Variants in TGFA observed in about 807,000 individuals in gnomAD.
TGFA encodes the protein transforming growth factor alpha.
Under a neutral mutation model 21.7 loss-of-function variants are expected in TGFA, and 12 were observed. The observed-to-expected ratio is 0.55, with a 90% CI of 0.35 to 0.90. TGFA has a LOEUF of 0.90. TGFA is among the 40% of genes least tolerant of loss of function. TGFA has a pLI of 0.01. For missense variants in TGFA, 178 were observed against 210.8 expected (o/e 0.84, Z 0.96); for synonymous variants, 79 against 88.1 (o/e 0.90, Z 0.58).
chr2:70,533,099 T>G (rs1195132750), intron 1 of TGFA, among the ~76,000 whole-genome samples: 1 of 152,072 alleles, frequency 6.6e-6, no homozygotes, highest in Non-Finnish European at 1.5e-5. Context: ...TGGGCTCAAG[T>G]GATCCGCCCA....
At chr2:70,472,126 A>T (rs1670770036) in intron 2 of TGFA, among the ~76,000 whole-genome samples, 1 of 152,152 alleles carries the variant, frequency 6.6e-6, no homozygotes, top group African/African-American at 2.4e-5. Flanking sequence ...AAATTTAAAA[A>T]AAGAATCACT....
At chr2:70,525,874 G>C (rs962897990) in intron 1 of TGFA, among the ~76,000 whole-genome samples, 26 of 152,272 alleles carry the variant, frequency 1.7e-4, no homozygotes, top group African/African-American at 6.0e-4. Context: ...GTACTTAATG[G>C]TGGGGCCGCG....
At chr2:70,453,435 TCCAAACC>T in intron 4 of TGFA, 108 bp from the exon 5 acceptor site, 1 of 746,892 alleles carries the variant, frequency 1.3e-6, no homozygotes, top group Non-Finnish European at 2.1e-6. Context: ...CTAAACCAGC[TCCAAACC>T]AGCTCCCCAT....
chr2:70,481,835 G>A (rs1671131379), intron 2 of TGFA, among the ~76,000 whole-genome samples: 1 of 152,224 alleles, frequency 6.6e-6, no homozygotes, highest in African/African-American at 2.4e-5. Context: ...TAGCTTGTAA[G>A]TGAGCCATTC....
intron 2 of TGFA, among the ~76,000 whole-genome samples, chr2:70,501,399 A>G (rs1574108088): frequency 6.6e-6 from 1 of 152,016 alleles, no homozygotes; most frequent in East Asian, 1.9e-4. Context: ...TCTATTTGTC[A>G]CCTTCACCAC....
At chr2:70,490,972 C>T (rs1240270085) in intron 2 of TGFA, among the ~76,000 whole-genome samples, 7 of 152,092 alleles carry the variant, frequency 4.6e-5, no homozygotes, top group African/African-American at 1.4e-4. Flanking sequence ...TCAGGTTTCC[C>T]CAAGCAGATC....
At chr2:70,455,224 GA>G (rs147385019) in intron 4 of TGFA, among the ~76,000 whole-genome samples, 8,920 of 152,314 alleles carry the variant, frequency 0.059, 328 homozygotes, top group South Asian at 0.12. Context: ...TGGTCCAGGA[GA>G]AGGATGTGAG....
intron 4 of TGFA, 127 bp downstream of exon 4, chr2:70,456,212 C>T: frequency 7.7e-7 from 1 of 1,293,584 alleles, no homozygotes; most frequent in East Asian, 2.6e-5. Flanking sequence ...ATTTAGCTTT[C>T]CTGACAGCAC....
chr2:70,542,248 T>G (rs1553505265), intron 1 of TGFA, among the ~76,000 whole-genome samples: 1 of 152,204 alleles, frequency 6.6e-6, no homozygotes, highest in Non-Finnish European at 1.5e-5. Flanking sequence ...GTTTATCAGC[T>G]TCAGCCACTT....
intron 2 of TGFA, among the ~76,000 whole-genome samples, chr2:70,478,578 C>A (rs542377694): frequency 6.6e-6 from 1 of 152,124 alleles, no homozygotes; most frequent in Non-Finnish European, 1.5e-5. Context: ...CTCATCCATC[C>A]ATTCTTTAGT....
intron 1 of TGFA, among the ~76,000 whole-genome samples, chr2:70,520,192 T>C (rs1553502076): frequency 6.6e-6 from 1 of 152,186 alleles, no homozygotes; most frequent in African/African-American, 2.4e-5. Context: ...CCCTCCTCCC[T>C]TTGGAAATCA....
intron 1 of TGFA, among the ~76,000 whole-genome samples, chr2:70,517,763 C>G (rs1257249681): frequency 6.6e-6 from 1 of 152,244 alleles, no homozygotes; most frequent in Non-Finnish European, 1.5e-5. Flanking sequence ...TCAGCAGTCA[C>G]AAACCCCAAG....
intron 1 of TGFA, among the ~76,000 whole-genome samples, chr2:70,544,637 G>A (rs1673236191): frequency 6.6e-6 from 1 of 152,170 alleles, no homozygotes. Flanking sequence ...CAGGTGCTTG[G>A]TAATTATTTG....
intron 2 of TGFA, among the ~76,000 whole-genome samples, chr2:70,507,368 AT>A (rs1434980459): frequency 6.6e-6 from 1 of 152,210 alleles, no homozygotes; most frequent in Non-Finnish European, 1.5e-5. Context: ...TATGCCCTGT[AT>A]TTTTGCATCT....
chr2:70,521,025 C>T (rs552327586), intron 1 of TGFA, among the ~76,000 whole-genome samples: 4 of 152,066 alleles, frequency 2.6e-5, no homozygotes, highest in Middle Eastern at 3.2e-3. Flanking sequence ...CTGTTACTGC[C>T]CCAATTCAGG....
chr2:70,472,902 C>A (rs1279956151), intron 2 of TGFA, among the ~76,000 whole-genome samples: 3 of 152,264 alleles, frequency 2.0e-5, no homozygotes, highest in Non-Finnish European at 2.9e-5. Context: ...TTAGTAGGAA[C>A]TTTCAGCCAA....
chr2:70,468,240 G>A (rs1296910738), intron 2 of TGFA: 2 of 152,232 alleles, frequency 1.3e-5, no homozygotes, highest in African/African-American at 4.8e-5. Flanking sequence ...GACAGTTACT[G>A]TCTTTCACAC....
chr2:70,504,469 C>CATATATATATATATATATATATAT lies in TGFA; in HGVS notation c.94+10389_94+10390insATATATATATATATATATATATAT, dbSNP rs1230209696. ...ATATATATATATATATATATACACACATACATACATACATACACACACACA... is the reference window on the plus strand; with the variant it reads ...ATATATATATATATATATATACACACATATATATATATATATATATATATATACATACATACATACACACACACA... On this transcript the variant is annotated intron_variant, in intron 2 of 5. Transcript: ENST00000295400. Among the ~76,000 whole-genome samples, 339 of 80,572 alleles carry CATATATATATATATATATATATAT rather than the reference C, an allele frequency of 4.2e-3. 7 individuals carry two copies. The highest frequency in any genetic ancestry group is 7.3e-3 in the Non-Finnish European group (277 of 38,154). 52.9% of individuals were successfully genotyped at this position (80,572 alleles called of 152,430 possible).
chr2:70,463,069 T>A (rs1445980562), intron 3 of TGFA, among the ~76,000 whole-genome samples: 1 of 151,968 alleles, frequency 6.6e-6, no homozygotes, highest in African/African-American at 2.4e-5. Context: ...GCTGGGAGCA[T>A]GGGTTCTGGT....
Sources: gnomAD v4.1 joint callset for allele counts (sites outside exome capture counted in the v4.1 genomes callset) on GRCh38, gnomAD v4.1.1 for gene constraint, MANE v1.5 for transcripts, NCBI Gene and HGNC (gene_info 2026-07-23, HGNC 2026-07-21) for gene names.